The following MAST1 variants were observed in gnomAD, a reference collection of about 807,000 sequenced individuals.
The protein encoded by MAST1 is microtubule associated serine/threonine kinase 1, also known as microtubule-associated serine/threonine-protein kinase 1.
In MAST1, 40 loss-of-function variants were observed where a neutral mutation model predicts 124.6. The ratio of observed to expected loss-of-function variants is 0.32; its 90% CI spans 0.25 to 0.42. The LOEUF (loss-of-function observed/expected upper bound fraction) is 0.42. Among genes scored for constraint, MAST1 ranks in the 10% least tolerant of loss-of-function variants. The pLI is 1.00. For missense variants in MAST1, 1,558 were observed against 2,181.9 expected, an observed-to-expected ratio of 0.71 and a Z score of 5.70; for synonymous variants, 938 against 939.4, an observed-to-expected ratio of 1.00 and a Z score of 0.03.
intron 12 of MAST1, among the ~76,000 whole-genome samples, chr19:12,860,154 T>C (rs1002006074): frequency 6.6e-6 from 1 of 151,928 alleles, no homozygotes; most frequent in African/African-American, 2.4e-5. Context: ...TTGCTCTGTC[T>C]CCCAGGCTGG....
chr19:12,840,941 C>T (rs922558618), intron 2 of MAST1, 50 bp from the exon 3 acceptor site: 4 of 794,150 alleles, frequency 5.0e-6, no homozygotes, highest in Admixed American at 3.4e-5. Context: ...TTGCACGCCG[C>T]TTTAGGGAAC....
Position 12,874,924 on chromosome 19 carries a change from T to C in MAST1, c.*54T>C, listed in dbSNP as rs771902549. 2 of 1,539,220 alleles carry C rather than the reference T, an allele frequency of 1.3e-6. No individual in the cohort carries two copies. Among genetic ancestry groups the C allele is most frequent in the Non-Finnish European group, 1.7e-6 (2 of 1,145,168 alleles). On this transcript the variant is annotated 3_prime_UTR_variant, in exon 26 of 26. Transcript: ENST00000251472. This position sits in a 1 kb window ranked among gnomAD's most constrained non-coding sequence, Gnocchi z 6.6. ...CAGCCTCCGTATACATATGTACACATATAAATAAAGTGCGTCCGTGCTGCG... is the reference window on the plus strand; with the variant it reads ...CAGCCTCCGTATACATATGTACACACATAAATAAAGTGCGTCCGTGCTGCG...
chr19:12,848,313 C>T, intron 7 of MAST1: 1 of 475,696 alleles, frequency 2.1e-6, no homozygotes, highest in Non-Finnish European at 3.8e-6. Context: ...TTAGGCGGTC[C>T]CCAGTCATTT....
chr19:12,863,322 T>G (rs1441413795), intron 12 of MAST1, among the ~76,000 whole-genome samples: 1 of 152,062 alleles, frequency 6.6e-6, no homozygotes, highest in African/African-American at 2.4e-5. Context: ...AATCAGTATC[T>G]CTATGGTGGG....
intron 19 of MAST1, 33 bp from the exon 20 acceptor site, chr19:12,867,697 C>T (rs1295601386): frequency 6.5e-7 from 1 of 1,535,018 alleles, no homozygotes; most frequent in Non-Finnish European, 8.8e-7. Context: ...TCGAAGGGGG[C>T]GTGTCTTCCA....
In MAST1 at chr19:12,873,502, G is replaced by A. The variant is rs150982723; in HGVS notation, c.3442G>A (p.Ala1148Thr). Residue 1148 changes from alanine (A) to threonine (T), a missense_variant, in exon 25 of 26, where the codon GCC becomes ACC. By Grantham distance (58) the Ala-to-Thr change is moderately conservative. Coordinates refer to ENST00000251472, the MANE Select transcript of MAST1 (RefSeq NM_014975.3). ...CAGCTACCGCTCCACGCCTGACTCC[G>A]CCTACCTAGGTATTACCTCCTGCAC... ...THSYRSTPDS[A>T]YLGASSQSSS... 28 of 1,603,268 alleles carry A rather than the reference G, an allele frequency of 1.7e-5. No individual in the cohort carries two copies. The highest frequency in any genetic ancestry group is 2.1e-5 in the Non-Finnish European group (25 of 1,177,496).
rs551673530 is a variant in MAST1, at chr19:12,867,912, A to C, written c.2501A>C (p.Asp834Ala). Residue 834 changes from aspartate to alanine, a missense_variant, in exon 20 of 26, where the codon GAT (aspartate) becomes GCT (alanine). Asp to Ala is a moderately radical substitution (Grantham distance 126). This residue lies in a region of MAST1 where 287 missense variants were observed against 308.0 expected (regional missense o/e 0.93). Transcript: ENST00000251472. The part of the protein sequence containing the change: ...RPSSDPAGSL[D>A]ARAPKEETQG... Reference sequence around the variant, plus strand: ...AGCTCCGACCCCGCGGGATCCCTGGATGCACGGGCCCCCAAAGAGGAGACT... The same window carrying C: ...AGCTCCGACCCCGCGGGATCCCTGGCTGCACGGGCCCCCAAAGAGGAGACT... The C allele has an allele frequency of 6.7e-5, 107 of 1,601,790 alleles. No individual in the cohort carries two copies. In the South Asian group the frequency reaches 1.1e-3, roughly 17 times the overall value.
At chr19:12,870,980 G>T (rs762126326) in intron 23 of MAST1, 34 bp downstream of exon 23, 2 of 1,613,632 alleles carry the variant, frequency 1.2e-6, no homozygotes, top group Non-Finnish European at 1.7e-6. Context: ...CTGGGCGGAG[G>T]GTGGGGGAGG....
At chr19:12,849,716 C>A (rs1969938886) in intron 7 of MAST1, among the ~76,000 whole-genome samples, 1 of 152,118 alleles carries the variant, frequency 6.6e-6, no homozygotes, top group Non-Finnish European at 1.5e-5. Flanking sequence ...GTGGCACACA[C>A]CTGCTGTCCC....
chr19:12,860,044 A>G (rs1599585614), intron 12 of MAST1, among the ~76,000 whole-genome samples: 1 of 149,810 alleles, frequency 6.7e-6, no homozygotes, highest in Non-Finnish European at 1.5e-5. Flanking sequence ...CATCCCTCAC[A>G]TCCCGCAATT....
chr19:12,873,112 A>C (rs944002295), intron 24 of MAST1: 18 of 576,624 alleles, frequency 3.1e-5, no homozygotes, highest in African/African-American at 3.1e-4. Flanking sequence ...AGCTTGGACT[A>C]GGAGTGGCCA....
At chr19:12,854,890 C>T (rs1428343603) in intron 10 of MAST1, among the ~76,000 whole-genome samples, 2 of 152,130 alleles carry the variant, frequency 1.3e-5, no homozygotes, top group Admixed American at 1.3e-4. Context: ...GTGGAGAGTC[C>T]TACCCCAATG....
Position 12,865,178 on chromosome 19 carries a change from GGT to G in MAST1, c.1638+8_1638+9del. On this transcript the variant is annotated splice_donor_variant, in intron 14 of 25. Coordinates refer to ENST00000251472, the MANE Select transcript of MAST1 (RefSeq NM_014975.3). LOFTEE classifies it high-confidence loss of function. This position sits in a 1 kb window ranked among gnomAD's most constrained non-coding sequence, Gnocchi z 7.1. ...ACGCCCGAGAGTTCCTGGACAAACA[GGT>G]GTGTGTGCGGGCATGGGGGTCGCTG... 1 of 1,613,838 alleles carries G rather than the reference GGT, an allele frequency of 6.2e-7. No individual in the cohort carries two copies. Among genetic ancestry groups the G allele is most frequent in the Non-Finnish European group, 8.5e-7 (1 of 1,179,874 alleles).
chr19:12,841,107 C>T lies in MAST1; in HGVS notation c.248+41C>T. On this transcript the variant is annotated intron_variant, in intron 3 of 25. Coordinates refer to ENST00000251472, the MANE Select transcript of MAST1 (RefSeq NM_014975.3). This position sits in a 1 kb window ranked among gnomAD's most constrained non-coding sequence, Gnocchi z 4.3. ...CCAGGGCCCCAGAACCCTGGGCAGA[C>T]CCTCCCCAACCACTGTCTGGGCCGC... The T allele has an allele frequency of 1.1e-6, 1 of 913,894 alleles. No individual in the cohort carries two copies. Among genetic ancestry groups the T allele is most frequent in the Non-Finnish European group, 1.8e-6 (1 of 548,624 alleles). 56.6% of individuals were successfully genotyped at this position (913,894 alleles called of 1,614,324 possible). A position where few individuals can be genotyped will look rare whatever the true frequency, so the allele number is the denominator to read the frequency against.
chr19:12,838,711 C>A lies in MAST1; in HGVS notation c.83+56C>A. 6.5e-7 allele frequency: 1 copy of A among 1,529,276 alleles called. No individual in the cohort carries two copies. The highest frequency in any genetic ancestry group is 9.0e-7 in the Non-Finnish European group (1 of 1,112,884). The allele number at this position is 1,529,276 out of a possible 1,614,324, so 94.7% of individuals were successfully genotyped here. A position where few individuals can be genotyped will look rare whatever the true frequency, so the allele number is the denominator to read the frequency against. On this transcript the variant is annotated intron_variant, in intron 1 of 25. Coordinates refer to ENST00000251472, the MANE Select transcript of MAST1 (RefSeq NM_014975.3). The surrounding 1 kb of genome is among the most constrained non-coding windows in gnomAD (Gnocchi z 4.3). ...GGCCCTCCCCGCAAAAGCCGCCGCTCCGGGTACTGCTGCAGGGCGGGGCCC... is the reference window on the plus strand; with the variant it reads ...GGCCCTCCCCGCAAAAGCCGCCGCTACGGGTACTGCTGCAGGGCGGGGCCC...
chr19:12,852,552 T>C (rs1969975505), intron 10 of MAST1, among the ~76,000 whole-genome samples, 157 bp downstream of exon 10: 1 of 152,082 alleles, frequency 6.6e-6, no homozygotes, highest in South Asian at 2.1e-4. Context: ...TAATAGCTCT[T>C]CCAGAGCCTG....
Position 12,874,516 on chromosome 19 carries a change from G to A in MAST1, c.4359G>A (p.Leu1453=), listed in dbSNP as rs760612980. The change falls in exon 26 of 26, where the codon CTG becomes CTA. Residue 1453 remains leucine (L), a synonymous_variant. Coordinates refer to ENST00000251472, the MANE Select transcript of MAST1 (RefSeq NM_014975.3). This position sits in a 1 kb window ranked among gnomAD's most constrained non-coding sequence, Gnocchi z 6.6. Reference sequence around the variant, plus strand: ...CTAAGGCTGTGGTGCCTCAGCCTCTGGGCGCGGACTCCAAGGGGTTGCAGG... The same window carrying A: ...CTAAGGCTGTGGTGCCTCAGCCTCTAGGCGCGGACTCCAAGGGGTTGCAGG... ...PGAKAVVPQP[L]GADSKGLQEP... 1 of 1,538,472 alleles carries A rather than the reference G, an allele frequency of 6.5e-7. No homozygotes were observed. The highest frequency in any genetic ancestry group is 1.4e-5 in the African/African-American group (1 of 73,384).
intron 24 of MAST1, among the ~76,000 whole-genome samples, chr19:12,871,744 C>T (rs546464731): frequency 6.6e-6 from 1 of 151,788 alleles, no homozygotes; most frequent in African/African-American, 2.4e-5. Flanking sequence ...AGAGAGACCC[C>T]ATCTCTACAA....
intron 12 of MAST1, among the ~76,000 whole-genome samples, chr19:12,861,441 G>C (rs1036547657): frequency 6.6e-6 from 1 of 152,140 alleles, no homozygotes; most frequent in African/African-American, 2.4e-5. Context: ...GCTTCTCAGA[G>C]GCCTGGATTA....
Sources: gnomAD v4.1 joint callset for allele counts (sites outside exome capture counted in the v4.1 genomes callset) on GRCh38, gnomAD v4.1.1 for gene constraint, gnomAD v4.1.1 regional missense constraint, Gnocchi (gnomAD v3.1) non-coding constraint, MANE v1.5 for transcripts, NCBI Gene and HGNC (gene_info 2026-07-23, HGNC 2026-07-21) for gene names.